Variants in CYTH4 observed in about 807,000 individuals in gnomAD.
The protein encoded by CYTH4 is cytohesin-4.
A neutral mutation model predicts 57.5 loss-of-function variants in CYTH4; 22 were observed. The observed-to-expected ratio is 0.38, with a 90% CI of 0.27 to 0.55. The LOEUF is 0.55. Among genes scored for constraint, CYTH4 ranks in the 20% least tolerant of loss-of-function variants. CYTH4 has a pLI of 0.74. For missense variants in CYTH4, 420 were observed against 535.6 expected (o/e 0.78, Z 2.13); for synonymous variants, 186 against 206.5 (o/e 0.90, Z 0.85).
intron 4 of CYTH4, 22 bp downstream of exon 4, chr22:37,296,087 G>A (rs774754977): frequency 3.9e-5 from 63 of 1,607,508 alleles, no homozygotes; most frequent in Non-Finnish European, 5.2e-5. Context: ...TGGAGGGCCC[G>A]GGCCACAGGG....
chr22:37,285,969 G>C (rs1480882598), intron 1 of CYTH4, among the ~76,000 whole-genome samples: 2 of 152,098 alleles, frequency 1.3e-5, no homozygotes, highest in Non-Finnish European at 2.9e-5. Flanking sequence ...GAACACACTT[G>C]TCAACCAGAA....
At chr22:37,297,327 T>A (rs185098037) in intron 4 of CYTH4, among the ~76,000 whole-genome samples, 7 of 152,250 alleles carry the variant, frequency 4.6e-5, no homozygotes, top group Admixed American at 3.9e-4. Context: ...GTACCTGGCA[T>A]GAACCTGGTT....
At position 37,298,335 on chromosome 22, in the gene CYTH4, C is replaced by G. The variant is rs1929050424; in HGVS notation, c.353+653C>G. ...TGAGCCAAGATCACGCCATTGCACT[C>G]CAGCCTGGGCAACAGATTGAGAACG... On this transcript the variant is annotated intron_variant, in intron 5 of 12. Coordinates refer to ENST00000248901, the MANE Select transcript of CYTH4 (RefSeq NM_013385.5). The surrounding 1 kb of genome is among the most constrained non-coding windows in gnomAD (Gnocchi z 4.1). The G allele has an allele frequency of 6.5e-6, 1 of 154,544 alleles. No homozygotes were observed. Among genetic ancestry groups the G allele is most frequent in the African/African-American group, 2.4e-5 (1 of 41,268 alleles). The allele number at this position is 154,544 out of a possible 1,614,324, so 9.6% of individuals were successfully genotyped here.
intron 9 of CYTH4, 75 bp downstream of exon 9, chr22:37,309,398 C>G: frequency 7.7e-7 from 1 of 1,305,944 alleles, no homozygotes; most frequent in Non-Finnish European, 1.1e-6. Context: ...CATGCACACT[C>G]CTGGACGCAC....
intron 1 of CYTH4, 94 bp downstream of exon 1, chr22:37,282,682 T>G: frequency 8.8e-7 from 1 of 1,138,750 alleles, no homozygotes; most frequent in South Asian, 1.5e-5. Flanking sequence ...GATAAAGGAA[T>G]ACAGCGCAGG....
chr22:37,294,149 A>AGGCAGGGTGGAGGCG (rs1569106580), intron 2 of CYTH4, among the ~76,000 whole-genome samples: 2 of 139,744 alleles, frequency 1.4e-5, no homozygotes, highest in Admixed American at 7.5e-5. Context: ...CGGGAGAGGC[A>AGGCAGGGTGGAGGCG]GGCAGGGTGG....
intron 3 of CYTH4, among the ~76,000 whole-genome samples, chr22:37,294,943 T>C (rs1387827512): frequency 6.6e-6 from 1 of 152,172 alleles, no homozygotes; most frequent in East Asian, 1.9e-4. Flanking sequence ...TGAGAGACAC[T>C]GCGTCCTCCC....
intron 8 of CYTH4, among the ~76,000 whole-genome samples, chr22:37,306,958 C>T (rs1929420002): frequency 6.6e-6 from 1 of 152,226 alleles, no homozygotes; most frequent in African/African-American, 2.4e-5. Context: ...TCACCCCCTC[C>T]TGGAGCCTGG....
chr22:37,285,346 G>T (rs1397235043), intron 1 of CYTH4, among the ~76,000 whole-genome samples: 2 of 150,454 alleles, frequency 1.3e-5, no homozygotes, highest in Non-Finnish European at 2.9e-5. Flanking sequence ...AAGGAAACGG[G>T]GTGTGTGGTG....
At position 37,284,267 on chromosome 22, in the gene CYTH4, G is replaced by A. The variant is rs149235225; in HGVS notation, c.19+1679G>A. Among the ~76,000 whole-genome samples, 320 of 152,320 alleles carry A rather than the reference G, an allele frequency of 2.1e-3. 2 individuals are homozygous for A. Among genetic ancestry groups the A allele is most frequent in the African/African-American group, 7.2e-3 (299 of 41,550 alleles). ...TACAAACGACCTTCCAGTGTGCTAT[G>A]CAGTGCTGGGGACAGCAGTGACCCA... On this transcript the variant is annotated intron_variant, in intron 1 of 12. Transcript: ENST00000248901.
rs1601714238 is a variant in CYTH4, at chr22:37,313,615, C to T, written c.*104C>T. Reference sequence around the variant, plus strand: ...CCAGTGCACTCTTTTGGGCCACAGACATCATTGCTGTTCCCCGTTACCTCG... The same window carrying T: ...CCAGTGCACTCTTTTGGGCCACAGATATCATTGCTGTTCCCCGTTACCTCG... On this transcript the variant is annotated 3_prime_UTR_variant, in exon 13 of 13. Coordinates refer to ENST00000248901, the MANE Select transcript of CYTH4 (RefSeq NM_013385.5). The T allele has an allele frequency of 6.7e-6, 7 of 1,051,848 alleles. No homozygotes were observed. The highest frequency in any genetic ancestry group is 5.4e-5 in the South Asian group (4 of 74,040). 65.2% of individuals were successfully genotyped at this position (1,051,848 alleles called of 1,614,324 possible).
rs747888441 is a variant in CYTH4 at position 37,303,330 on chromosome 22, G to A, written c.624G>A (p.Pro208=). ...ACAATCCCAACGTCCGGGACAGGCC[G>A]CCTTTTGAGCGCTTTGTGTCCATGA... ...SLHNPNVRDR[P]PFERFVSMNR... Residue 208 remains proline (P), a synonymous_variant, in exon 8 of 13, where the codon CCG becomes CCA. Coordinates refer to ENST00000248901, the MANE Select transcript of CYTH4 (RefSeq NM_013385.5). 5.0e-6 allele frequency: 8 copies of A among 1,614,034 alleles called. No individual in the cohort carries two copies. The East Asian group carries it at 1.1e-4, about 22-fold the overall frequency.
chr22:37,309,360 C>T, intron 9 of CYTH4, 37 bp downstream of exon 9: 1 of 1,574,564 alleles, frequency 6.4e-7, no homozygotes, highest in South Asian at 1.1e-5. Context: ...CGCACACACA[C>T]TCATGCACGC....
At chr22:37,304,775 G>A (rs776516957) in intron 8 of CYTH4, among the ~76,000 whole-genome samples, 3 of 152,144 alleles carry the variant, frequency 2.0e-5, no homozygotes, top group Admixed American at 1.3e-4. Context: ...CATCTTCCCC[G>A]TTTGCCTGCT....
At chr22:37,291,743 T>A (rs781208796) in intron 1 of CYTH4, among the ~76,000 whole-genome samples, 1 of 151,392 alleles carries the variant, frequency 6.6e-6, no homozygotes, top group Non-Finnish European at 1.5e-5. Context: ...AGAAGGAGAG[T>A]GTTGTGGATG....
intron 8 of CYTH4, chr22:37,304,428 A>G (rs1929321808): frequency 2.8e-6 from 1 of 361,886 alleles, no homozygotes; most frequent in Non-Finnish European, 5.5e-6. Context: ...GGAGAGATTC[A>G]GAGCCTGGCT....
At chr22:37,304,811 G>A (rs939262106) in intron 8 of CYTH4, among the ~76,000 whole-genome samples, 1 of 152,140 alleles carries the variant, frequency 6.6e-6, no homozygotes, top group Admixed American at 6.5e-5. Flanking sequence ...ATGACTCACT[G>A]GAGTTGAAGC....
chr22:37,302,065 G>A (rs1929205147), intron 7 of CYTH4: 1 of 169,102 alleles, frequency 5.9e-6, no homozygotes, highest in Non-Finnish European at 1.5e-5. Context: ...CTCACGCATG[G>A]AATATAGCTT....
intron 8 of CYTH4, chr22:37,304,278 G>A (rs1229188649): frequency 2.2e-6 from 1 of 456,696 alleles, no homozygotes; most frequent in South Asian, 1.5e-5. Context: ...GGTGTCCAGT[G>A]TGGCCGAGGT....
Sources: gnomAD v4.1 joint callset for allele counts (sites outside exome capture counted in the v4.1 genomes callset) on GRCh38, gnomAD v4.1.1 for gene constraint, Gnocchi (gnomAD v3.1) non-coding constraint, MANE v1.5 for transcripts, NCBI Gene and HGNC (gene_info 2026-07-23, HGNC 2026-07-21) for gene names.